Variants in FBXO7 observed in about 807,000 individuals in gnomAD.
FBXO7 encodes F-box protein 7, also known as F-box only protein 7.
FBXO7 carries 31 observed loss-of-function variants against 50.2 expected under a neutral mutation model. The observed-to-expected ratio is 0.62, with a 90% confidence interval of 0.46 to 0.83. FBXO7 has a LOEUF of 0.83. FBXO7 is among the 40% of genes least tolerant of loss of function. FBXO7 has a pLI of 0.00. For synonymous variants in FBXO7, 256 were observed against 253.1 expected, an observed-to-expected ratio of 1.01 and a Z score of -0.11; for missense variants, 667 against 646.6, an observed-to-expected ratio of 1.03 and a Z score of -0.34.
chr22:32,489,097 A>G (rs972618698), intron 5 of FBXO7: 1 of 152,266 alleles, frequency 6.6e-6, no homozygotes, highest in Non-Finnish European at 1.5e-5. Flanking sequence ...GGCATGAGCC[A>G]CTGCGCCCGA....
At chr22:32,475,366 C>A (rs201862756) in intron 1 of FBXO7, 1 of 1,610,232 alleles carries the variant, frequency 6.2e-7, no homozygotes. Context: ...GAGAACATGG[C>A]CCGGCCTCCC....
At chr22:32,478,612 C>A (rs2145987971) in intron 1 of FBXO7, among the ~76,000 whole-genome samples, 1 of 152,286 alleles carries the variant, frequency 6.6e-6, no homozygotes, top group East Asian at 1.9e-4. Flanking sequence ...CCTAGCTCCT[C>A]TGGAGGCTGA....
intron 3 of FBXO7, 138 bp downstream of exon 3, chr22:32,484,262 T>C (rs1265798016): frequency 4.0e-6 from 3 of 749,244 alleles, no homozygotes; most frequent in African/African-American, 1.7e-5. Flanking sequence ...GGTGAAGTTC[T>C]GGGAGAAACA....
intron 5 of FBXO7, chr22:32,490,271 C>T (rs2057525979): frequency 6.6e-6 from 1 of 152,182 alleles, no homozygotes; most frequent in Non-Finnish European, 1.5e-5. Flanking sequence ...AGGTGAGGAT[C>T]AGAGGGGCAG....
At chr22:32,478,795 G>A (rs1023840035) in intron 1 of FBXO7, among the ~76,000 whole-genome samples, 186 bp from the exon 2 acceptor site, 4 of 152,158 alleles carry the variant, frequency 2.6e-5, no homozygotes, top group African/African-American at 9.7e-5. Context: ...CAACCCAGGA[G>A]GCTGAGGCAG....
chr22:32,491,247 TG>T, intron 6 of FBXO7, 66 bp downstream of exon 6: 1 of 1,202,814 alleles, frequency 8.3e-7, no homozygotes, highest in Non-Finnish European at 1.2e-6. Context: ...TTAATATTCT[TG>T]GTGAGTATGA....
chr22:32,498,562 T>C lies in FBXO7; in HGVS notation c.*32T>C, dbSNP rs781171099. 4 of 1,598,968 alleles carry C rather than the reference T, an allele frequency of 2.5e-6. No homozygotes were observed. In the South Asian group the frequency reaches 4.4e-5, roughly 18 times the overall value. ...TGTAATTTCATTTCTGGAGCTCCAT[T>C]TGTTTTTGTTTCTAAACTACAGATG... On this transcript the variant is annotated 3_prime_UTR_variant, in exon 9 of 9. Transcript: ENST00000266087.
chr22:32,479,919 C>T (rs1306916309), intron 2 of FBXO7, among the ~76,000 whole-genome samples: 2 of 152,128 alleles, frequency 1.3e-5, no homozygotes, highest in Admixed American at 6.5e-5. Flanking sequence ...TAATTATTTC[C>T]AGATGACTTG....
Position 32,484,014 on chromosome 22 carries a change from G to C in FBXO7, c.535G>C (p.Val179Leu). 6.2e-7 allele frequency: 1 copy of C among 1,614,204 alleles called. No homozygotes were observed. Among genetic ancestry groups the C allele is most frequent in the Non-Finnish European group, 8.5e-7 (1 of 1,180,018 alleles). Residue 179 changes from valine to leucine, a missense_variant, in exon 3 of 9, where the codon GTG becomes CTG. Transcript: ENST00000266087. ...CTGTAGTGAATCGGTGGAAGGGCAA[G>C]TGCCACATTCATTAGAGACCTTGTA... ...MLCSESVEGQ[V>L]PHSLETLYQS...
chr22:32,487,956 GGTTT>G (rs940484642), intron 5 of FBXO7, 128 bp downstream of exon 5: 13 of 680,602 alleles, frequency 1.9e-5, no homozygotes, highest in African/African-American at 7.3e-5. Context: ...AAGACAATGT[GGTTT>G]GTTTAAGAAT....
Position 32,474,859 on chromosome 22 carries a change from T to C in FBXO7, c.-144T>C. ...CAGGGCGGCCACTGTGGCGGGGCTC[T>C]TTCCCCGTTTCGCCTCAGCTACCCC... On this transcript the variant is annotated 5_prime_UTR_variant, in exon 1 of 9. Coordinates refer to ENST00000266087, the MANE Select transcript of FBXO7 (RefSeq NM_012179.4). The C allele has an allele frequency of 1.3e-6, 1 of 789,546 alleles. No individual in the cohort carries two copies. Among genetic ancestry groups the C allele is most frequent in the Non-Finnish European group, 1.9e-6 (1 of 521,678 alleles). The allele number at this position is 789,546 out of a possible 1,614,324, so 48.9% of individuals were successfully genotyped here.
Position 32,498,642 on chromosome 22 carries a change from GT to G in FBXO7, c.*114del. 1 of 1,299,396 alleles carries G rather than the reference GT, an allele frequency of 7.7e-7. No homozygotes were observed. Among genetic ancestry groups the G allele is most frequent in the Non-Finnish European group, 1.1e-6 (1 of 932,558 alleles). 80.5% of individuals were successfully genotyped at this position (1,299,396 alleles called of 1,614,324 possible). ...TTATTTTCTGATTGTGGTGTTGAGA[GT>G]TGCACTCCCAGAAACCTTTTAAGAG... is the stretch of plus-strand genomic sequence containing the variant. On this transcript the variant is annotated 3_prime_UTR_variant, in exon 9 of 9. Transcript: ENST00000266087.
intron 1 of FBXO7, among the ~76,000 whole-genome samples, chr22:32,477,457 C>T (rs930970496): frequency 2.0e-5 from 3 of 152,050 alleles, no homozygotes; most frequent in South Asian, 2.1e-4. Context: ...ACATTTTATT[C>T]TTCTAATGTC....
chr22:32,488,101 C>G (rs1568976424), intron 5 of FBXO7: 6 of 352,588 alleles, frequency 1.7e-5, no homozygotes, highest in Non-Finnish European at 2.6e-5. Context: ...TTATTACACT[C>G]TGATGATAGT....
At chr22:32,477,005 C>A (rs2057433418) in intron 1 of FBXO7, among the ~76,000 whole-genome samples, 2 of 152,254 alleles carry the variant, frequency 1.3e-5, no homozygotes, top group East Asian at 3.9e-4. Flanking sequence ...AAAAAGCAAC[C>A]TTTTGCTGTG....
intron 4 of FBXO7, among the ~76,000 whole-genome samples, chr22:32,486,112 A>G (rs566258201): frequency 6.6e-6 from 1 of 151,956 alleles, no homozygotes; most frequent in South Asian, 2.1e-4. Flanking sequence ...TTCTGTAGCT[A>G]CTCCTTTCTG....
intron 8 of FBXO7, among the ~76,000 whole-genome samples, chr22:32,496,950 G>A (rs1419063838): frequency 6.6e-6 from 1 of 152,176 alleles, no homozygotes; most frequent in Non-Finnish European, 1.5e-5. Context: ...AATATCAACA[G>A]GAGTTTGGAA....
chr22:32,489,603 C>T (rs2057521594), intron 5 of FBXO7: 2 of 152,210 alleles, frequency 1.3e-5, no homozygotes, highest in Non-Finnish European at 2.9e-5. Flanking sequence ...ATTTGGCTGA[C>T]TCCCAGCCTT....
chr22:32,492,033 T>C (rs2057541016), intron 6 of FBXO7: 1 of 152,114 alleles, frequency 6.6e-6, no homozygotes, highest in East Asian at 1.9e-4. Context: ...CCAGAAATTA[T>C]ATATGTCACT....
Sources: allele counts gnomAD v4.1 joint callset (sites outside exome capture counted in the v4.1 genomes callset), GRCh38; gene constraint gnomAD v4.1.1; transcripts MANE v1.5; gene names NCBI Gene and HGNC (gene_info 2026-07-23, HGNC 2026-07-21).